Variants in BTBD10 observed in about 807,000 individuals in gnomAD.
BTBD10 encodes the protein BTB domain containing 10.
BTBD10 carries 21 observed loss-of-function variants against 53.2 expected under a neutral mutation model. The ratio of observed to expected loss-of-function variants is 0.39; its 90% CI spans 0.28 to 0.57. The LOEUF (loss-of-function observed/expected upper bound fraction) is 0.57, where lower values mean the gene tolerates loss of function less well. BTBD10 is among the 20% of genes least tolerant of loss of function. The pLI, the probability that BTBD10 is intolerant of heterozygous loss-of-function variation, is 0.53. For synonymous variants in BTBD10, 149 were observed against 192.7 expected (o/e 0.77, Z 1.88); for missense variants, 360 against 594.7 (o/e 0.61, Z 4.10).
At chr11:13,412,352 C>T (rs1280448892) in intron 6 of BTBD10, among the ~76,000 whole-genome samples, 1 of 152,048 alleles carries the variant, frequency 6.6e-6, no homozygotes, top group African/African-American at 2.4e-5. Flanking sequence ...ACTGGGGAGG[C>T]TAAGGCAGGA....
chr11:13,396,618 C>T lies in BTBD10; in HGVS notation c.1117+6550G>A, dbSNP rs190938921. On this transcript the variant is annotated intron_variant, in intron 8 of 8. Transcript: ENST00000278174. ...GAGAGAGGGCATCCCTTTCTTGTGCCAGTTTTCAAAGGGAATGCTTCCAGT... is the reference window on the plus strand; with the variant it reads ...GAGAGAGGGCATCCCTTTCTTGTGCTAGTTTTCAAAGGGAATGCTTCCAGT... Among the ~76,000 whole-genome samples, 967 of 152,292 alleles carry T rather than the reference C, an allele frequency of 6.3e-3. 2 individuals carry two copies. The highest frequency in any genetic ancestry group is 9.8e-3 in the Non-Finnish European group (670 of 68,022).
At chr11:13,395,464 A>G (rs1023849403) in intron 8 of BTBD10, among the ~76,000 whole-genome samples, 29 of 152,114 alleles carry the variant, frequency 1.9e-4, no homozygotes, top group African/African-American at 6.3e-4. Flanking sequence ...AGTAGGTTGC[A>G]AAAATTTTCT....
At chr11:13,415,831 C>G (rs920814136) in intron 5 of BTBD10, among the ~76,000 whole-genome samples, 1 of 151,538 alleles carries the variant, frequency 6.6e-6, no homozygotes, top group Non-Finnish European at 1.5e-5. Context: ...TGGAAATATT[C>G]TTTTGGTAGA....
chr11:13,456,511 C>T (rs571592080), intron 1 of BTBD10, among the ~76,000 whole-genome samples: 4 of 152,220 alleles, frequency 2.6e-5, no homozygotes, highest in South Asian at 4.1e-4. Flanking sequence ...CACTGACAAC[C>T]GGGAAGGAGA....
In BTBD10 at chr11:13,396,840, C is replaced by T. The variant is rs143560440; in HGVS notation, c.1117+6328G>A. ...TTGGTTCTGTTTATATGCTGGATTA[C>T]GTTTATTGATTTTTGCATGTGGAAC... On this transcript the variant is annotated intron_variant, in intron 8 of 8. Coordinates refer to ENST00000278174, the MANE Select transcript of BTBD10 (RefSeq NM_032320.7). Among the ~76,000 whole-genome samples the T allele has an allele frequency of 8.1e-3, 1,237 of 152,202 alleles. 20 individuals carry two copies. The highest frequency in any genetic ancestry group is 0.028 in the African/African-American group (1,152 of 41,514).
At chr11:13,425,827 TCACTCA>T (rs1454420574) in intron 2 of BTBD10, among the ~76,000 whole-genome samples, 3 of 152,168 alleles carry the variant, frequency 2.0e-5, no homozygotes, top group African/African-American at 7.2e-5. Flanking sequence ...TATTGAAATA[TCACTCA>T]GTACCTCTAA....
chr11:13,394,268 C>A (rs775226836), intron 8 of BTBD10, among the ~76,000 whole-genome samples: 1 of 152,116 alleles, frequency 6.6e-6, no homozygotes, highest in African/African-American at 2.4e-5. Flanking sequence ...AGGAGAGGGG[C>A]CTGGTGGGAG....
At chr11:13,441,551 A>C (rs1950650667) in intron 2 of BTBD10, among the ~76,000 whole-genome samples, 1 of 152,144 alleles carries the variant, frequency 6.6e-6, no homozygotes, top group African/African-American at 2.4e-5. Context: ...AATGCTCTCA[A>C]ACTCTCAAAC....
At chr11:13,418,380 T>A (rs1209242881) in intron 4 of BTBD10, among the ~76,000 whole-genome samples, 3 of 152,076 alleles carry the variant, frequency 2.0e-5, no homozygotes, top group Non-Finnish European at 4.4e-5. Context: ...CACATCAATA[T>A]GAACACTTTA....
intron 8 of BTBD10, among the ~76,000 whole-genome samples, chr11:13,394,049 A>T (rs1400829688): frequency 6.6e-6 from 1 of 152,250 alleles, no homozygotes; most frequent in Admixed American, 6.5e-5. Context: ...ATCCTTAATG[A>T]AATTACAAAT....
intron 6 of BTBD10, among the ~76,000 whole-genome samples, chr11:13,410,971 T>G (rs1011233463): frequency 2.0e-5 from 3 of 152,346 alleles, no homozygotes; most frequent in African/African-American, 7.2e-5. Context: ...GCTCAAGTTT[T>G]TTTTAAAGAG....
intron 6 of BTBD10, among the ~76,000 whole-genome samples, chr11:13,406,696 T>C (rs1402799380): frequency 2.0e-5 from 3 of 151,830 alleles, no homozygotes; most frequent in Non-Finnish European, 4.4e-5. Context: ...AGGAAGACGC[T>C]AGAACTCATA....
At chr11:13,428,784 G>A (rs1477086774) in intron 2 of BTBD10, among the ~76,000 whole-genome samples, 1 of 152,052 alleles carries the variant, frequency 6.6e-6, no homozygotes, top group Non-Finnish European at 1.5e-5. Flanking sequence ...GAGGATTATA[G>A]CCAGTGCAAT....
intron 2 of BTBD10, among the ~76,000 whole-genome samples, chr11:13,440,638 G>C (rs923440387): frequency 1.3e-5 from 2 of 152,160 alleles, no homozygotes; most frequent in Non-Finnish European, 2.9e-5. Flanking sequence ...TGACTTAAAA[G>C]GGAAACTGGA....
intron 4 of BTBD10, among the ~76,000 whole-genome samples, chr11:13,418,183 C>A (rs1950161240): frequency 8.3e-6 from 1 of 120,332 alleles, no homozygotes; most frequent in South Asian, 3.0e-4. Flanking sequence ...TTCAAAGTTT[C>A]CAAAAAAAAA....
chr11:13,389,157 A>C lies in BTBD10; in HGVS notation c.1118-16T>G. On this transcript the variant is annotated splice_polypyrimidine_tract_variant and intron_variant, in intron 8 of 8. Coordinates refer to ENST00000278174, the MANE Select transcript of BTBD10 (RefSeq NM_032320.7). ...GTAGGATAACCTGAAAGAAAGAAAG[A>C]TTTTAAAAACTGAGGAGACACACAC... 6.5e-7 allele frequency: 1 copy of C among 1,527,818 alleles called. No individual in the cohort carries two copies. Among genetic ancestry groups the C allele is most frequent in the Non-Finnish European group, 9.0e-7 (1 of 1,113,034 alleles). 94.6% of individuals were successfully genotyped at this position (1,527,818 alleles called of 1,614,324 possible). A position where few individuals can be genotyped will look rare whatever the true frequency, so the allele number is the denominator to read the frequency against.
chr11:13,444,193 T>C (rs1213785033), intron 2 of BTBD10, among the ~76,000 whole-genome samples: 3 of 151,152 alleles, frequency 2.0e-5, no homozygotes, highest in African/African-American at 4.9e-5. Flanking sequence ...TTCTTTAAAA[T>C]CACAAAAACG....
intron 2 of BTBD10, chr11:13,439,770 T>C (rs1591158529): frequency 1.3e-6 from 1 of 791,826 alleles, no homozygotes; most frequent in Non-Finnish European, 1.9e-6. Flanking sequence ...TCTTTAGTCA[T>C]GTAAATGATC....
Position 13,445,111 on chromosome 11 carries a change from G to C in BTBD10, c.14C>G (p.Pro5Arg), listed in dbSNP as rs931377331. Reference sequence around the variant, plus strand: ...ACTGGAGTTACCATCATAGGGATGAGGCCGTCCTGCCATCCCACTCCAAGC... The same window carrying C: ...ACTGGAGTTACCATCATAGGGATGACGCCGTCCTGCCATCCCACTCCAAGC... MAGRPHPYDGNSSDP... is the reference protein window; with the variant it reads MAGRRHPYDGNSSDP... The change falls in exon 2 of 9, where the codon CCT becomes CGT. Residue 5 changes from proline to arginine, a missense_variant. Coordinates refer to ENST00000278174, the MANE Select transcript of BTBD10 (RefSeq NM_032320.7). 4 of 1,612,868 alleles carry C rather than the reference G, an allele frequency of 2.5e-6. No homozygotes were observed. The highest frequency in any genetic ancestry group is 3.4e-6 in the Non-Finnish European group (4 of 1,179,222).
Sources: gnomAD v4.1 joint callset for allele counts (sites outside exome capture counted in the v4.1 genomes callset) on GRCh38, gnomAD v4.1.1 for gene constraint, MANE v1.5 for transcripts, NCBI Gene and HGNC (gene_info 2026-07-23, HGNC 2026-07-21) for gene names.